Variants in SNTG1 observed in about 807,000 individuals in gnomAD.
SNTG1 encodes syntrophin gamma 1, also known as gamma-1-syntrophin.
A neutral mutation model predicts 74.7 loss-of-function variants in SNTG1; 39 were observed. The ratio of observed to expected loss-of-function variants is 0.52; its 90% CI spans 0.40 to 0.68. The LOEUF (loss-of-function observed/expected upper bound fraction) is 0.68. Among genes scored for constraint, SNTG1 ranks in the 30% least tolerant of loss-of-function variants. The probability of loss-of-function intolerance (pLI) is 0.00; values close to 1 mark genes in which losing one functional copy is unlikely to be tolerated. For missense variants in SNTG1, 685 were observed against 609.5 expected (o/e 1.12, Z -1.30); for synonymous variants, 254 against 217.1 (o/e 1.17, Z -1.49).
chr8:50,530,238 C>G lies in SNTG1; in HGVS notation c.528C>G (p.Leu176=). ...CTCTCTGTGACAGTGGCTTACATCT[C>G]AACTACCATCCCAACAATACAGTAA... is the stretch of plus-strand genomic sequence containing the variant. ...SSPLCDSGLH[L]NYHPNNTDTL... is the part of the protein sequence containing the mutation. The change falls in exon 10 of 19, where the codon CTC becomes CTG. Residue 176 remains leucine, a synonymous_variant. Coordinates refer to ENST00000642720, the MANE Select transcript of SNTG1 (RefSeq NM_018967.5). 6.2e-7 allele frequency: 1 copy of G among 1,613,772 alleles called. No individual in the cohort carries two copies. The highest frequency in any genetic ancestry group is 8.5e-7 in the Non-Finnish European group (1 of 1,179,776).
chr8:50,094,208 T>A (rs2079846069), intron 1 of SNTG1, among the ~76,000 whole-genome samples: 1 of 151,916 alleles, frequency 6.6e-6, no homozygotes, highest in Non-Finnish European at 1.5e-5. Flanking sequence ...GAAAAGTGTG[T>A]AAAGAAATGA....
chr8:50,074,925 G>A (rs1046925193), intron 1 of SNTG1, among the ~76,000 whole-genome samples: 1 of 152,172 alleles, frequency 6.6e-6, no homozygotes, highest in Non-Finnish European at 1.5e-5. Flanking sequence ...AGTTCGGGGT[G>A]GGCATCCTCT....
chr8:50,470,741 T>C (rs555434259), intron 8 of SNTG1, among the ~76,000 whole-genome samples: 1 of 152,244 alleles, frequency 6.6e-6, no homozygotes, highest in East Asian at 1.9e-4. Flanking sequence ...TTACAGCTCA[T>C]AAAGGTAGTG....
Position 50,724,577 on chromosome 8 carries a change from C to T in SNTG1, c.1284+15599C>T, listed in dbSNP as rs530335639. On this transcript the variant is annotated intron_variant, in intron 17 of 18. Coordinates refer to ENST00000642720, the MANE Select transcript of SNTG1 (RefSeq NM_018967.5). The stretch of plus-strand genomic sequence containing the variant: ...ACTAAAGAGAAACTGAGAGATATTT[C>T]ATTCTATTAATTATCTAATCATTAA... Among the ~76,000 whole-genome samples the T allele has an allele frequency of 2.9e-3, 449 of 152,208 alleles. 3 individuals are homozygous for T. The highest frequency in any genetic ancestry group is 0.01 in the African/African-American group (434 of 41,548).
rs1006902673 is a variant in SNTG1 at position 50,763,622 on chromosome 8, A to C, written c.1395+11511A>C. On this transcript the variant is annotated intron_variant, in intron 18 of 18. Transcript: ENST00000642720. ...CAGGTAGTGTGGTGTCTCCAGCTAC[A>C]CTCTTTTGGCTCAAGATTGCCTTTA... Among the ~76,000 whole-genome samples, 4 of 141,426 alleles carry C rather than the reference A, an allele frequency of 2.8e-5. No individual in the cohort carries two copies. In the Admixed American group the frequency reaches 2.9e-4, roughly 10 times the overall value. The allele number at this position is 141,426 out of a possible 152,430, so 92.8% of individuals were successfully genotyped here. A position where few individuals can be genotyped will look rare whatever the true frequency, so the allele number is the denominator to read the frequency against.
rs1381048539 is a variant in SNTG1 at position 50,376,756 on chromosome 8, T to TATATATATAGAGAGAGAG, written c.-27-17455_-27-17454insTATATATAGAGAGAGAGA. Reference sequence around the variant, plus strand: ...ATATATATATATATATATATATATATAGAGAGAGAGAGAGAGAGAGAGAGA... The same window carrying TATATATATAGAGAGAGAG: ...ATATATATATATATATATATATATATATATATATAGAGAGAGAGAGAGAGAGAGAGAGAGAGAGAGAGA... On this transcript the variant is annotated intron_variant, in intron 2 of 18. Coordinates refer to ENST00000642720, the MANE Select transcript of SNTG1 (RefSeq NM_018967.5). Among the ~76,000 whole-genome samples, 310 of 89,828 alleles carry TATATATATAGAGAGAGAG rather than the reference T, an allele frequency of 3.5e-3. 2 individuals carry two copies. The highest frequency in any genetic ancestry group is 4.5e-3 in the Non-Finnish European group (199 of 44,564). The allele number at this position is 89,828 out of a possible 152,430, so 58.9% of individuals were successfully genotyped here.
At chr8:50,611,636 A>G (rs894838715) in intron 13 of SNTG1, among the ~76,000 whole-genome samples, 2 of 152,210 alleles carry the variant, frequency 1.3e-5, no homozygotes, top group African/African-American at 4.8e-5. Flanking sequence ...TAATATGTTG[A>G]ATAAGCCAAG....
intron 1 of SNTG1, among the ~76,000 whole-genome samples, chr8:50,092,920 G>T (rs535277752): frequency 6.6e-6 from 1 of 152,076 alleles, no homozygotes; most frequent in African/African-American, 2.4e-5. Context: ...TACAGTAAAA[G>T]TATTATAATT....
At chr8:50,616,301 T>C (rs2094885199) in intron 13 of SNTG1, among the ~76,000 whole-genome samples, 1 of 152,168 alleles carries the variant, frequency 6.6e-6, no homozygotes. Flanking sequence ...AGATTCGGGC[T>C]TCTAAGAAAG....
intron 1 of SNTG1, among the ~76,000 whole-genome samples, chr8:50,010,879 T>C (rs1815725630): frequency 6.9e-6 from 1 of 143,936 alleles, no homozygotes; most frequent in Non-Finnish European, 1.5e-5. Context: ...CTTCAACAAA[T>C]AGAGTTGTGT....
At chr8:50,356,942 A>G (rs1164835090) in intron 2 of SNTG1, among the ~76,000 whole-genome samples, 1 of 152,220 alleles carries the variant, frequency 6.6e-6, no homozygotes. Flanking sequence ...TTGGGCCTCA[A>G]TGAGCTGGAC....
intron 13 of SNTG1, among the ~76,000 whole-genome samples, chr8:50,632,380 G>A (rs541691985): frequency 8.3e-4 from 126 of 151,328 alleles, no homozygotes; most frequent in Non-Finnish European, 9.9e-4. Flanking sequence ...TTGCAATCTC[G>A]GCTCACTGCA....
chr8:50,061,049 G>C (rs1820427932), intron 1 of SNTG1, among the ~76,000 whole-genome samples: 1 of 152,008 alleles, frequency 6.6e-6, no homozygotes, highest in Non-Finnish European at 1.5e-5. Flanking sequence ...TGCTACCTGG[G>C]TACTGGCCTT....
chr8:50,478,365 G>A (rs528194842), intron 8 of SNTG1, among the ~76,000 whole-genome samples: 1 of 152,114 alleles, frequency 6.6e-6, no homozygotes, highest in Admixed American at 6.5e-5. Context: ...ACAGGTTTTT[G>A]GATTCCAACA....
chr8:50,697,728 T>A (rs1034688960), intron 15 of SNTG1, among the ~76,000 whole-genome samples: 14 of 152,216 alleles, frequency 9.2e-5, no homozygotes, highest in African/African-American at 2.7e-4. Context: ...GTTTAGGTAA[T>A]GTATGACATT....
intron 2 of SNTG1, among the ~76,000 whole-genome samples, chr8:50,372,912 A>T (rs893625483): frequency 6.6e-6 from 1 of 152,218 alleles, no homozygotes; most frequent in Admixed American, 6.5e-5. Flanking sequence ...TCCAAGAGAC[A>T]GTTGGTAAAC....
intron 2 of SNTG1, among the ~76,000 whole-genome samples, chr8:50,326,612 G>T (rs2090760641): frequency 6.7e-6 from 1 of 150,186 alleles, no homozygotes; most frequent in Non-Finnish European, 1.5e-5. Flanking sequence ...CCTAGCTACT[G>T]TTTTACTAAT....
At chr8:50,074,664 A>G (rs372971233) in intron 1 of SNTG1, among the ~76,000 whole-genome samples, 1 of 152,238 alleles carries the variant, frequency 6.6e-6, no homozygotes, top group African/African-American at 2.4e-5. Context: ...GAAAAAGTTA[A>G]TATTGCTAGA....
chr8:50,101,716 A>G, intron 1 of SNTG1, among the ~76,000 whole-genome samples: 1 of 140,334 alleles, frequency 7.1e-6, no homozygotes. Flanking sequence ...CCCTCCTCCC[A>G]CCCCACAACA....
Sources: gnomAD v4.1 joint callset for allele counts (sites outside exome capture counted in the v4.1 genomes callset) on GRCh38, gnomAD v4.1.1 for gene constraint, MANE v1.5 for transcripts, NCBI Gene and HGNC (gene_info 2026-07-23, HGNC 2026-07-21) for gene names.